The following TAF2 variants were observed in gnomAD, a reference collection of about 807,000 sequenced individuals.
TAF2 encodes transcription initiation factor TFIID subunit 2.
Under a neutral mutation model 138.5 loss-of-function variants are expected in TAF2, and 61 were observed. The ratio of observed to expected loss-of-function variants is 0.44; its 90% confidence interval spans 0.36 to 0.54. The LOEUF (loss-of-function observed/expected upper bound fraction) is 0.54. Ranked by LOEUF, TAF2 falls within the 20% of genes least tolerant of loss-of-function variation. The probability of loss-of-function intolerance (pLI) is 0.00; values close to 1 mark genes in which losing one functional copy is unlikely to be tolerated. For synonymous variants in TAF2, 475 were observed against 469.9 expected, an observed-to-expected ratio of 1.01 and a Z score of -0.14; for missense variants, 1,090 against 1,427.9, an observed-to-expected ratio of 0.76 and a Z score of 3.81.
At chr8:119,827,817 C>G (rs1259249136) in intron 2 of TAF2, among the ~76,000 whole-genome samples, 1 of 151,116 alleles carries the variant, frequency 6.6e-6, no homozygotes, top group African/African-American at 2.4e-5. Context: ...GATCTCGGCT[C>G]ACTGCAACCT....
intron 2 of TAF2, among the ~76,000 whole-genome samples, chr8:119,827,839 G>A (rs2131272112): frequency 6.6e-6 from 1 of 151,306 alleles, no homozygotes; most frequent in Admixed American, 6.6e-5. Flanking sequence ...TGCCTCCCGT[G>A]TTCAAGTGAT....
chr8:119,811,369 AGAAGTAAACTTTTATG>A (rs909837239), intron 3 of TAF2, among the ~76,000 whole-genome samples: 76 of 152,184 alleles, frequency 5.0e-4, no homozygotes, highest in African/African-American at 1.3e-3. Flanking sequence ...AATTTTTTAT[AGAAGTAAACTTTTATG>A]GAAGTAAACT....
At chr8:119,783,744 T>C (rs1822832524) in intron 15 of TAF2, 111 bp from the exon 16 acceptor site, 2 of 1,300,104 alleles carry the variant, frequency 1.5e-6, no homozygotes, top group South Asian at 2.8e-5. Flanking sequence ...AGATGTAGTA[T>C]TCAAGACTGC....
At chr8:119,807,713 C>T (rs766790826) in intron 3 of TAF2, among the ~76,000 whole-genome samples, 7 of 152,116 alleles carry the variant, frequency 4.6e-5, no homozygotes, top group Non-Finnish European at 1.0e-4. Context: ...CACCTGAGAC[C>T]AGGAGTTCAA....
intron 2 of TAF2, among the ~76,000 whole-genome samples, chr8:119,826,954 A>G (rs1826140874): frequency 1.3e-5 from 2 of 152,116 alleles, no homozygotes; most frequent in Non-Finnish European, 2.9e-5. Flanking sequence ...GCACTTTGGA[A>G]AGCCAAAGTA....
chr8:119,732,376 GA>G (rs1818935204), intron 25 of TAF2, among the ~76,000 whole-genome samples, 190 bp from the exon 26 acceptor site: 1 of 152,140 alleles, frequency 6.6e-6, no homozygotes, highest in Admixed American at 6.6e-5. Flanking sequence ...TTGTGGCCAG[GA>G]AGTTGAATAT....
intron 6 of TAF2, among the ~76,000 whole-genome samples, chr8:119,801,228 A>T (rs1255467960): frequency 6.6e-6 from 1 of 152,214 alleles, no homozygotes; most frequent in East Asian, 1.9e-4. Context: ...ATCTACCTAT[A>T]TGCTAAATCA....
intron 17 of TAF2, among the ~76,000 whole-genome samples, chr8:119,780,181 T>C (rs573873942): frequency 1.3e-5 from 2 of 152,164 alleles, no homozygotes; most frequent in South Asian, 4.1e-4. Flanking sequence ...AACCTCTATG[T>C]ATGATATCCA....
At chr8:119,824,421 TCC>T (rs1825971337) in intron 2 of TAF2, among the ~76,000 whole-genome samples, 1 of 123,336 alleles carries the variant, frequency 8.1e-6, no homozygotes, top group African/African-American at 3.2e-5. Context: ...AGAGTGAGAC[TCC>T]GTCTCAAAAA....
rs1356125566 is a variant in TAF2, at chr8:119,747,039, C to CT, written c.2879-106dup. The CT allele has an allele frequency of 3.5e-6, 4 of 1,130,238 alleles. No individual in the cohort carries two copies. The African/African-American group carries it at 4.6e-5, about 13-fold the overall frequency. The allele number at this position is 1,130,238 out of a possible 1,614,324, so 70.0% of individuals were successfully genotyped here. Reference sequence around the variant, plus strand: ...AAAGGAACTTTATAACTGGAAAAACCTTTATCACACCTTTCATCTTACAAA... The same window carrying CT: ...AAAGGAACTTTATAACTGGAAAAACCTTTTATCACACCTTTCATCTTACAAA... On this transcript the variant is annotated intron_variant, in intron 22 of 25. Coordinates refer to ENST00000378164, the MANE Select transcript of TAF2 (RefSeq NM_003184.4).
rs192712652 is a variant in TAF2 at position 119,824,405 on chromosome 8, G to A, written c.139-4899C>T. The stretch of plus-strand genomic sequence containing the variant: ...GATTGAGCCACTGCACTCCAGCCTG[G>A]GGGACAGAGTGAGACTCCGTCTCAA... On this transcript the variant is annotated intron_variant, in intron 2 of 25. Coordinates refer to ENST00000378164, the MANE Select transcript of TAF2 (RefSeq NM_003184.4). Among the ~76,000 whole-genome samples, 290 of 150,904 alleles carry A rather than the reference G, an allele frequency of 1.9e-3. 2 individuals carry two copies. The highest frequency in any genetic ancestry group is 0.01 in the East Asian group (52 of 5,112).
chr8:119,789,910 A>G (rs921875295), intron 11 of TAF2, among the ~76,000 whole-genome samples, 164 bp from the exon 12 acceptor site: 7 of 152,210 alleles, frequency 4.6e-5, no homozygotes, highest in Non-Finnish European at 7.3e-5. Flanking sequence ...AGAAATATGC[A>G]AAGATATAAG....
At chr8:119,746,340 T>C (rs1259017779) in intron 23 of TAF2, among the ~76,000 whole-genome samples, 1 of 117,358 alleles carries the variant, frequency 8.5e-6, no homozygotes, top group East Asian at 2.7e-4. Context: ...GTCATTGCAC[T>C]CCAGCCTGGG....
chr8:119,744,224 C>T, intron 24 of TAF2, 64 bp downstream of exon 24: 2 of 1,351,312 alleles, frequency 1.5e-6, no homozygotes, highest in East Asian at 2.3e-5. Flanking sequence ...AAGTAACACA[C>T]ATTAGAATAC....
Position 119,756,125 on chromosome 8 carries a change from TA to T in TAF2, c.2769-11del, listed in dbSNP as rs750884013. 7.5e-6 allele frequency: 12 copies of T among 1,606,114 alleles called. No homozygotes were observed. Among genetic ancestry groups the T allele is most frequent in the East Asian group, 2.2e-5 (1 of 44,670 alleles). On this transcript the variant is annotated splice_polypyrimidine_tract_variant and intron_variant, in intron 21 of 25. Coordinates refer to ENST00000378164, the MANE Select transcript of TAF2 (RefSeq NM_003184.4). ...GTTGAGAATCTTATGCCTGAAAGAT[TA>T]AAAAAAATTAAATTTTTGCTGACCT... is the stretch of plus-strand genomic sequence containing the variant.
rs964812931 is a variant in TAF2 at position 119,731,510 on chromosome 8, G to T, written c.*414C>A. The T allele has an allele frequency of 1.7e-5, 4 of 228,954 alleles. No homozygotes were observed. The highest frequency in any genetic ancestry group is 1.5e-4 in the Admixed American group (3 of 19,366). 14.2% of individuals were successfully genotyped at this position (228,954 alleles called of 1,614,324 possible). The stretch of plus-strand genomic sequence containing the variant: ...ATACAATATTTCACTGGAGATAGTG[G>T]TTGCACCACAGATTTGGCAGTTGCT... On this transcript the variant is annotated 3_prime_UTR_variant, in exon 26 of 26. Coordinates refer to ENST00000378164, the MANE Select transcript of TAF2 (RefSeq NM_003184.4).
intron 6 of TAF2, 98 bp downstream of exon 6, chr8:119,801,695 TG>T (rs1824276155): frequency 8.4e-7 from 1 of 1,191,718 alleles, no homozygotes; most frequent in Non-Finnish European, 1.2e-6. Flanking sequence ...CCCAAAGTGC[TG>T]GGATTACAGG....
At chr8:119,794,439 A>G (rs993541531) in intron 9 of TAF2, among the ~76,000 whole-genome samples, 7 of 152,048 alleles carry the variant, frequency 4.6e-5, no homozygotes, top group Non-Finnish European at 8.8e-5. Flanking sequence ...CACTACCACA[A>G]TTGTGCTGGA....
At chr8:119,819,537 T>C (rs1351678429) in intron 2 of TAF2, 31 bp from the exon 3 acceptor site, 6 of 1,528,480 alleles carry the variant, frequency 3.9e-6, no homozygotes, top group Non-Finnish European at 5.4e-6. Context: ...AACTTCATTA[T>C]AAAGACTGGT....
Sources: allele counts gnomAD v4.1 joint callset (sites outside exome capture counted in the v4.1 genomes callset), GRCh38; gene constraint gnomAD v4.1.1; transcripts MANE v1.5; gene names NCBI Gene and HGNC (gene_info 2026-07-23, HGNC 2026-07-21).